Variants in HUWE1 observed in about 807,000 individuals in gnomAD.
HUWE1 encodes E3 ubiquitin-protein ligase HUWE1.
HUWE1 carries 18 observed loss-of-function variants against 299.4 expected under a neutral mutation model. The observed-to-expected ratio is 0.06, with a 90% CI of 0.04 to 0.09. HUWE1 has a LOEUF of 0.09. Ranked by LOEUF, HUWE1 falls within the 10% of genes least tolerant of loss-of-function variation. The pLI is 1.00. For missense variants in HUWE1, 1,832 were observed against 3,462.3 expected, an observed-to-expected ratio of 0.53 and a Z score of 11.82; for synonymous variants, 1,317 against 1,286.1, an observed-to-expected ratio of 1.02 and a Z score of -0.51.
At chrX:53,574,965 G>C (rs1271369659) in intron 46 of HUWE1, among the ~76,000 whole-genome samples, 190 bp downstream of exon 46, 2 of 112,489 alleles carry the variant, frequency 1.8e-5, no homozygotes, top group Non-Finnish European at 3.8e-5. Context: ...TTAACTTACA[G>C]TTCCATTAAC....
At chrX:53,627,297 G>A (rs782339482) in intron 17 of HUWE1, 113 bp downstream of exon 17, 2 of 486,443 alleles carry the variant, frequency 4.1e-6, no homozygotes, top group South Asian at 3.3e-5. Flanking sequence ...GTTGCTGAAA[G>A]TATATACTCA....
chrX:53,586,404 T>C, intron 39 of HUWE1, 86 bp downstream of exon 39: 2 of 596,983 alleles, frequency 3.4e-6, no homozygotes, highest in East Asian at 6.9e-5. Context: ...TTCTATATTC[T>C]TCACTACTCT....
chrX:53,638,538 G>A (rs781893374), intron 7 of HUWE1, among the ~76,000 whole-genome samples: 2 of 111,451 alleles, frequency 1.8e-5, no homozygotes, highest in South Asian at 7.5e-4. Context: ...TCAGGAAAAA[G>A]GCTTGATGCT....
At position 53,546,597 on chromosome X, in the gene HUWE1, G is replaced by C. The variant is rs2061548918; in HGVS notation, c.10759-5C>G. On this transcript the variant is annotated splice_region_variant and splice_polypyrimidine_tract_variant and intron_variant, in intron 69 of 83. Transcript: ENST00000262854. ...ACAAGAGTGGGATGTCAACACCTGA[G>C]AAAAAGAAGACAGAAGGAGTAAGCC... The C allele has an allele frequency of 8.3e-7, 1 of 1,209,629 alleles. No individual in the cohort carries two copies.
chrX:53,643,377 C>T (rs1478196684), intron 7 of HUWE1, among the ~76,000 whole-genome samples: 3 of 108,960 alleles, frequency 2.8e-5, no homozygotes, highest in Non-Finnish European at 5.7e-5. Context: ...GAGATAGAGT[C>T]TTGCTCTTGT....
intron 47 of HUWE1, among the ~76,000 whole-genome samples, chrX:53,570,128 TAAG>T (rs782173365): frequency 8.9e-5 from 10 of 112,546 alleles, no homozygotes; most frequent in African/African-American, 3.2e-4. Flanking sequence ...AAAATGTTTT[TAAG>T]AAGATGAGGT....
intron 3 of HUWE1, among the ~76,000 whole-genome samples, chrX:53,678,785 TA>T (rs1438702914): frequency 9.0e-6 from 1 of 111,667 alleles, no homozygotes; most frequent in Non-Finnish European, 1.9e-5. Context: ...TAAAAATAAC[TA>T]AATCACCTAA....
intron 3 of HUWE1, among the ~76,000 whole-genome samples, chrX:53,668,441 C>CAA (rs782645523): frequency 6.7e-4 from 27 of 40,335 alleles, no homozygotes; most frequent in African/African-American, 2.3e-3. Flanking sequence ...GACTCCATCT[C>CAA]AAAAAAAAAA....
In HUWE1 at chrX:53,552,294, G is replaced by A; in HGVS notation, c.8881+17C>T. On this transcript the variant is annotated intron_variant, in intron 63 of 83. Coordinates refer to ENST00000262854, the MANE Select transcript of HUWE1 (RefSeq NM_031407.7). The stretch of plus-strand genomic sequence containing the variant: ...CCAAAACAATCCCAGGATGACCTGG[G>A]CATACACGGAACTCACCCGCAAGGG... The A allele has an allele frequency of 8.3e-7, 1 of 1,210,489 alleles. No individual in the cohort carries two copies. The highest frequency in any genetic ancestry group is 1.7e-5 in the African/African-American group (1 of 57,703).
intron 73 of HUWE1, 37 bp downstream of exon 73, chrX:53,543,804 A>G: frequency 8.3e-7 from 1 of 1,210,614 alleles, no homozygotes; most frequent in African/African-American, 1.7e-5. Context: ...ATGAGTGGAG[A>G]GACAAATGAA....
intron 73 of HUWE1, 156 bp from the exon 74 acceptor site, chrX:53,542,695 T>C (rs1489413042): frequency 4.1e-6 from 2 of 483,571 alleles, no homozygotes; most frequent in Non-Finnish European, 7.3e-6. Context: ...GACAAAAGGA[T>C]GCCTTTCCCA....
chrX:53,574,628 A>G (rs1307025865), intron 46 of HUWE1, among the ~76,000 whole-genome samples: 2 of 112,541 alleles, frequency 1.8e-5, no homozygotes. Context: ...TTAGCCTTTT[A>G]AATTTATCTC....
intron 36 of HUWE1, among the ~76,000 whole-genome samples, 174 bp from the exon 37 acceptor site, chrX:53,588,708 G>C (rs1283992048): frequency 8.9e-6 from 1 of 112,075 alleles, no homozygotes; most frequent in Admixed American, 9.4e-5. Context: ...AAAGATGTAT[G>C]CTACTAAAGG....
At chrX:53,590,036 T>C (rs2064074956) in intron 35 of HUWE1, among the ~76,000 whole-genome samples, 1 of 112,113 alleles carries the variant, frequency 8.9e-6, no homozygotes, top group African/African-American at 3.2e-5. Context: ...GTCAAGTCAC[T>C]TGTAGCATTC....
chrX:53,599,392 A>G (rs1276526049), intron 29 of HUWE1, among the ~76,000 whole-genome samples: 2 of 112,067 alleles, frequency 1.8e-5, no homozygotes, highest in African/African-American at 6.5e-5. Flanking sequence ...GAAGGGCCCC[A>G]GATTCCTCTA....
At chrX:53,646,346 T>TG (rs2068046948) in intron 6 of HUWE1, among the ~76,000 whole-genome samples, 1 of 110,783 alleles carries the variant, frequency 9.0e-6, no homozygotes, top group African/African-American at 3.3e-5. Context: ...TTTGTAGCGA[T>TG]GGGGTCTCAC....
At chrX:53,646,529 T>C (rs1693452625) in intron 6 of HUWE1, among the ~76,000 whole-genome samples, 1 of 111,841 alleles carries the variant, frequency 8.9e-6, no homozygotes, top group African/African-American at 3.3e-5. Context: ...AAAATCAGTA[T>C]GTAATATAGC....
At chrX:53,566,135 A>ATATATATATATATATATATATG (rs2062547052) in intron 49 of HUWE1, among the ~76,000 whole-genome samples, 3 of 9,151 alleles carry the variant, frequency 3.3e-4, no homozygotes, top group African/African-American at 1.0e-3. Flanking sequence ...GTGTGTGTGT[A>ATATATATATATATATATATATG]TATATATATA....
chrX:53,590,552 CCAA>C lies in HUWE1; in HGVS notation c.4096-56_4096-54del. ...GGATACACACTCAAAACAAAGAAAC[CCAA>C]CAAGACCACTGCAACTCACAGGCAA... On this transcript the variant is annotated intron_variant, in intron 34 of 83. Transcript: ENST00000262854. 4.5e-6 allele frequency: 4 copies of C among 889,626 alleles called. No homozygotes were observed. The South Asian group carries it at 7.9e-5, about 18-fold the overall frequency. 73.3% of individuals were successfully genotyped at this position (889,626 alleles called of 1,213,427 possible). A position where few individuals can be genotyped will look rare whatever the true frequency, so the allele number is the denominator to read the frequency against.
Sources: gnomAD v4.1 joint callset for allele counts (sites outside exome capture counted in the v4.1 genomes callset) on GRCh38, gnomAD v4.1.1 for gene constraint, MANE v1.5 for transcripts, NCBI Gene and HGNC (gene_info 2026-07-23, HGNC 2026-07-21) for gene names.